The following ACBD6 variants were observed in gnomAD, a reference collection of about 807,000 sequenced individuals.
ACBD6 encodes the protein acyl-CoA binding domain containing 6.
In ACBD6, 28 loss-of-function variants were observed where a neutral mutation model predicts 37.2. The ratio of observed to expected loss-of-function variants is 0.75; its 90% CI spans 0.56 to 1.03. ACBD6 has a LOEUF of 1.03. ACBD6 is among the 50% of genes least tolerant of loss of function. The probability of loss-of-function intolerance (pLI) is 0.00; values close to 1 mark genes in which losing one functional copy is unlikely to be tolerated. For missense variants in ACBD6, 340 were observed against 337.4 expected (o/e 1.01, Z -0.06); for synonymous variants, 113 against 126.8 (o/e 0.89, Z 0.73).
chr1:180,457,932 A>T (rs747760579), intron 3 of ACBD6, among the ~76,000 whole-genome samples: 3 of 151,600 alleles, frequency 2.0e-5, no homozygotes, highest in Non-Finnish European at 2.9e-5. Flanking sequence ...AGCTGGGATT[A>T]CAGGCGCCCA....
exon 14 of ACBD6, chr1:180,271,668 C>G (rs954557223): frequency 2.2e-6 from 3 of 1,350,230 alleles, no homozygotes; most frequent in Non-Finnish European, 3.2e-6. Flanking sequence ...GAACTGAAGA[C>G]AGAGTTCTGA....
intron 6 of ACBD6, among the ~76,000 whole-genome samples, chr1:180,327,160 G>A (rs557343521): frequency 1.4e-3 from 218 of 152,268 alleles, no homozygotes; most frequent in Non-Finnish European, 2.7e-3. Context: ...TCTTTGGCCC[G>A]CAGTGGTGAG....
At chr1:180,495,956 C>G (rs12069389) in intron 1 of ACBD6, among the ~76,000 whole-genome samples, 1 of 152,128 alleles carries the variant, frequency 6.6e-6, no homozygotes, top group South Asian at 2.1e-4. Context: ...ATTCTCATAA[C>G]GCTATTAGCA....
intron 6 of ACBD6, among the ~76,000 whole-genome samples, chr1:180,332,362 C>T (rs894397727): frequency 2.0e-5 from 3 of 152,170 alleles, no homozygotes; most frequent in Admixed American, 6.5e-5. Context: ...TGTTACCTGT[C>T]CATGGCCTGT....
At chr1:180,490,821 G>A (rs1651467576) in intron 3 of ACBD6, among the ~76,000 whole-genome samples, 1 of 150,022 alleles carries the variant, frequency 6.7e-6, no homozygotes, top group Admixed American at 6.6e-5. Flanking sequence ...TTAAAAATTA[G>A]CCAGGTGTAG....
intron 6 of ACBD6, among the ~76,000 whole-genome samples, chr1:180,380,900 AT>A (rs1653618290): frequency 6.6e-6 from 1 of 152,176 alleles, no homozygotes; most frequent in African/African-American, 2.4e-5. Flanking sequence ...AGTAAATTAA[AT>A]TTTCCACTTT....
intron 7 of ACBD6, among the ~76,000 whole-genome samples, chr1:180,299,210 G>A (rs1650035684): frequency 6.6e-6 from 1 of 152,192 alleles, no homozygotes; most frequent in African/African-American, 2.4e-5. Flanking sequence ...ATAATGTAGA[G>A]TCATCTTTCA....
At chr1:180,403,667 G>A (rs180799714) in intron 5 of ACBD6, among the ~76,000 whole-genome samples, 1 of 152,270 alleles carries the variant, frequency 6.6e-6, no homozygotes, top group Non-Finnish European at 1.5e-5. Context: ...AAAGGTAAGA[G>A]CAAACCAAGG....
chr1:180,373,978 T>C (rs1160793601), intron 6 of ACBD6, among the ~76,000 whole-genome samples: 2 of 152,126 alleles, frequency 1.3e-5, no homozygotes, highest in African/African-American at 4.8e-5. Context: ...AATGCCCAGG[T>C]AGTGATTTCA....
intron 7 of ACBD6, among the ~76,000 whole-genome samples, chr1:180,313,360 T>C (rs1650667880): frequency 6.6e-6 from 1 of 152,192 alleles, no homozygotes; most frequent in Non-Finnish European, 1.5e-5. Flanking sequence ...GGTAGTATAA[T>C]AGCTAGTCCA....
At chr1:180,364,926 G>T (rs558973621) in intron 6 of ACBD6, among the ~76,000 whole-genome samples, 1 of 152,062 alleles carries the variant, frequency 6.6e-6, no homozygotes, top group East Asian at 1.9e-4. Context: ...ATAGAGACAG[G>T]GTTTCGCCGT....
At chr1:180,381,964 C>G (rs564529450) in intron 6 of ACBD6, among the ~76,000 whole-genome samples, 1 of 151,918 alleles carries the variant, frequency 6.6e-6, no homozygotes, top group East Asian at 1.9e-4. Context: ...CAAAAATTAG[C>G]TGGGCGTGGT....
chr1:180,401,906 A>G (rs535053081), intron 5 of ACBD6, among the ~76,000 whole-genome samples: 2 of 152,254 alleles, frequency 1.3e-5, no homozygotes, highest in Non-Finnish European at 2.9e-5. Context: ...TACATATACC[A>G]TACGTATAAC....
In ACBD6 at chr1:180,382,544, A is replaced by G. The variant is rs1365743138; in HGVS notation, c.663+14972T>C. 2.6e-5 allele frequency among the ~76,000 whole-genome samples: 4 copies of G among 152,318 alleles called. No homozygotes were observed. In the South Asian group the frequency reaches 8.3e-4, roughly 32 times the overall value. On this transcript the variant is annotated intron_variant, in intron 6 of 7. Coordinates refer to ENST00000367595, the MANE Select transcript of ACBD6 (RefSeq NM_032360.4). ...CTGAATAGACCAACAGTGAGTAATG[A>G]GATTGAATCAGTGATAAAAAGTCTC...
intron 6 of ACBD6, among the ~76,000 whole-genome samples, chr1:180,363,832 T>C (rs886581575): frequency 1.3e-5 from 2 of 152,058 alleles, no homozygotes; most frequent in African/African-American, 2.4e-5. Context: ...AGAGAGAACC[T>C]TGAATTCCAT....
At chr1:180,269,787 C>CCTCAGAA (rs1648526623) in exon 14 of ACBD6, 1 of 152,214 alleles carries the variant, frequency 6.6e-6, no homozygotes, top group Admixed American at 6.5e-5. Context: ...GGGACAGACT[C>CCTCAGAA]CTCAGAATGA....
chr1:180,452,953 G>A (rs190735003), intron 3 of ACBD6, among the ~76,000 whole-genome samples: 22 of 152,302 alleles, frequency 1.4e-4, no homozygotes, highest in African/African-American at 5.3e-4. Flanking sequence ...GCCAGAACCA[G>A]ACGGATTCAC....
chr1:180,457,205 T>G (rs1649959423), intron 3 of ACBD6, among the ~76,000 whole-genome samples: 1 of 151,982 alleles, frequency 6.6e-6, no homozygotes, highest in Non-Finnish European at 1.5e-5. Flanking sequence ...GAACAGAAAT[T>G]TACTCAGGCA....
At chr1:180,455,962 A>T (rs984183084) in intron 3 of ACBD6, among the ~76,000 whole-genome samples, 3 of 152,122 alleles carry the variant, frequency 2.0e-5, no homozygotes, top group African/African-American at 7.2e-5. Context: ...CTACAAAAGT[A>T]AAAAAGGTGA....
Sources: allele counts gnomAD v4.1 joint callset (sites outside exome capture counted in the v4.1 genomes callset), GRCh38; gene constraint gnomAD v4.1.1; transcripts MANE v1.5; gene names NCBI Gene and HGNC (gene_info 2026-07-23, HGNC 2026-07-21).